Variants in SLC35F5 observed in about 807,000 individuals in gnomAD.
SLC35F5 encodes the protein solute carrier family 35 member F5, also known as HCV NS5A-transactivated protein 3.
SLC35F5 carries 54 observed loss-of-function variants against 68.6 expected under a neutral mutation model. That is an observed-to-expected ratio of 0.79 (90% confidence interval 0.63 to 0.99). The LOEUF (loss-of-function observed/expected upper bound fraction) is 0.99. SLC35F5 is among the 50% of genes least tolerant of loss of function. The pLI, the probability that SLC35F5 is intolerant of heterozygous loss-of-function variation, is 0.00. For missense variants in SLC35F5, 567 were observed against 626.9 expected, an observed-to-expected ratio of 0.90 and a Z score of 1.02; for synonymous variants, 211 against 205.2, an observed-to-expected ratio of 1.03 and a Z score of -0.24.
intron 8 of SLC35F5, 35 bp downstream of exon 8, chr2:113,735,742 T>C: frequency 7.1e-7 from 1 of 1,402,908 alleles, no homozygotes; most frequent in East Asian, 2.3e-5. Context: ...CATACACTGA[T>C]TTATAATGCA....
downstream of SLC35F5, chr2:113,703,945 G>C (rs1686744538): frequency 6.6e-6 from 1 of 152,636 alleles, no homozygotes; most frequent in Non-Finnish European, 1.5e-5. Flanking sequence ...GAGTGTTACA[G>C]TTCTTAAAGG....
rs1162829552 is a variant in SLC35F5, at chr2:113,742,987, G to C, written c.563-108C>G. ...ATAAGTTCATCTATGATCAGAGTAA[G>C]ACAGTCAAAGTAAACCAAAAAGAGG... On this transcript the variant is annotated intron_variant, in intron 6 of 15. Coordinates refer to ENST00000245680, the MANE Select transcript of SLC35F5 (RefSeq NM_025181.5). The C allele has an allele frequency of 1.1e-5, 12 of 1,078,174 alleles. No homozygotes were observed. In the African/African-American group the frequency reaches 1.3e-4, roughly 11 times the overall value. 66.8% of individuals were successfully genotyped at this position (1,078,174 alleles called of 1,614,324 possible).
At chr2:113,754,790 AG>A (rs1676898280) in intron 3 of SLC35F5, among the ~76,000 whole-genome samples, 1 of 152,252 alleles carries the variant, frequency 6.6e-6, no homozygotes, top group South Asian at 2.1e-4. Flanking sequence ...TTTGTCCAAA[AG>A]CACTCTGAAC....
At chr2:113,745,651 T>C (rs1040485964) in intron 5 of SLC35F5, among the ~76,000 whole-genome samples, 12 of 151,908 alleles carry the variant, frequency 7.9e-5, no homozygotes, top group South Asian at 2.1e-4. Flanking sequence ...CCAGAGGCAA[T>C]AGACCAAAAC....
At chr2:113,722,643 C>G (rs892468226) in intron 13 of SLC35F5, among the ~76,000 whole-genome samples, 1 of 152,168 alleles carries the variant, frequency 6.6e-6, no homozygotes, top group Admixed American at 6.5e-5. Context: ...TCCCCACATC[C>G]ATACTAGGCC....
At chr2:113,743,692 C>T (rs369261900) in intron 6 of SLC35F5, 21 bp downstream of exon 6, 1 of 1,595,214 alleles carries the variant, frequency 6.3e-7, no homozygotes, top group East Asian at 2.2e-5. Flanking sequence ...AACTTTCTAC[C>T]CATTTCCAAG....
intron 5 of SLC35F5, 51 bp from the exon 6 acceptor site, chr2:113,743,845 G>A (rs1676380455): frequency 1.4e-6 from 2 of 1,465,276 alleles, no homozygotes; most frequent in East Asian, 4.6e-5. Flanking sequence ...AGCTAACATA[G>A]TGGTTAAAAT....
intron 14 of SLC35F5, among the ~76,000 whole-genome samples, chr2:113,718,910 AAAGAAAGAAAGAAAG>A: frequency 1.3e-5 from 1 of 75,542 alleles, no homozygotes; most frequent in East Asian, 2.5e-4. Context: ...AGAAAGAAAG[AAAGAAAGAAAGAAAG>A]AAAAAGAAAG....
intron 9 of SLC35F5, among the ~76,000 whole-genome samples, chr2:113,732,031 C>T (rs546345001): frequency 6.6e-6 from 1 of 152,264 alleles, no homozygotes; most frequent in African/African-American, 2.4e-5. Context: ...CACTATCTTT[C>T]AGTTAAGAAT....
intron 11 of SLC35F5, 66 bp from the exon 12 acceptor site, chr2:113,725,603 C>A: frequency 3.5e-6 from 5 of 1,415,782 alleles, no homozygotes; most frequent in Non-Finnish European, 3.8e-6. Flanking sequence ...CTTATTAACT[C>A]TAAAATCAAA....
In SLC35F5 at chr2:113,755,682, C is replaced by G. The variant is rs920007970; in HGVS notation, c.41-138G>C. Reference sequence around the variant, plus strand: ...CAAAATGTGTTAAACATACTTGCCACCTTTCTCAGTACTTTCATGGTATCC... The same window carrying G: ...CAAAATGTGTTAAACATACTTGCCAGCTTTCTCAGTACTTTCATGGTATCC... On this transcript the variant is annotated intron_variant, in intron 1 of 15. Transcript: ENST00000245680. 6.7e-6 allele frequency: 7 copies of G among 1,051,494 alleles called. No individual in the cohort carries two copies. In the East Asian group the frequency reaches 1.6e-4, roughly 23 times the overall value. 65.1% of individuals were successfully genotyped at this position (1,051,494 alleles called of 1,614,324 possible).
At chr2:113,705,267 CTGTGGGCCGGGCG>C (rs1285270941), downstream of SLC35F5, 2 of 152,338 alleles carry the variant, frequency 1.3e-5, no homozygotes, top group Non-Finnish European at 2.9e-5. Context: ...AAAAATGATG[CTGTGGGCCGGGCG>C]CGGTGGCTCA....
intron 1 of SLC35F5, chr2:113,755,747 C>T (rs768940082): frequency 2.0e-6 from 2 of 993,084 alleles, no homozygotes; most frequent in Non-Finnish European, 3.0e-6. Context: ...ATACGCGATA[C>T]GGGGCGGGCA....
intron 5 of SLC35F5, among the ~76,000 whole-genome samples, chr2:113,744,449 A>G (rs1466555510): frequency 2.0e-5 from 3 of 152,178 alleles, no homozygotes; most frequent in African/African-American, 4.8e-5. Flanking sequence ...AGTACTCACA[A>G]TAATTTTATA....
At chr2:113,754,372 T>C (rs1368775937) in intron 3 of SLC35F5, among the ~76,000 whole-genome samples, 1 of 151,754 alleles carries the variant, frequency 6.6e-6, no homozygotes, top group Admixed American at 6.6e-5. Context: ...TTAGCTACAA[T>C]ATGAGACCTG....
intron 8 of SLC35F5, 112 bp downstream of exon 8, chr2:113,735,665 G>C (rs1292032697): frequency 1.6e-6 from 1 of 639,192 alleles, no homozygotes; most frequent in African/African-American, 1.9e-5. Flanking sequence ...ATGTATATTA[G>C]AACTAATGTA....
chr2:113,751,611 C>T (rs1361185129), intron 3 of SLC35F5, among the ~76,000 whole-genome samples: 2 of 146,920 alleles, frequency 1.4e-5, no homozygotes, highest in Admixed American at 6.8e-5. Flanking sequence ...GGAGTTTAAG[C>T]CCAGCCTGGC....
downstream of SLC35F5, among the ~76,000 whole-genome samples, chr2:113,706,585 A>G (rs2104943464): frequency 6.6e-6 from 1 of 152,368 alleles, no homozygotes; most frequent in East Asian, 1.9e-4. Flanking sequence ...TTTTGGCTTT[A>G]GACCTTAACA....
At chr2:113,717,057 GT>G (rs1165425576) in intron 15 of SLC35F5, among the ~76,000 whole-genome samples, 2 of 152,172 alleles carry the variant, frequency 1.3e-5, no homozygotes, top group African/African-American at 2.4e-5. Flanking sequence ...AATTCTAGTA[GT>G]TTTTTGTGAT....
Sources: gnomAD v4.1 joint callset for allele counts (sites outside exome capture counted in the v4.1 genomes callset) on GRCh38, gnomAD v4.1.1 for gene constraint, MANE v1.5 for transcripts, NCBI Gene and HGNC (gene_info 2026-07-23, HGNC 2026-07-21) for gene names.